Variants in EDIL3 observed in about 807,000 individuals in gnomAD.
The protein encoded by EDIL3 is EGF-like repeat and discoidin I-like domain-containing protein 3.
Under a neutral mutation model 67.4 loss-of-function variants are expected in EDIL3, and 37 were observed. The observed-to-expected ratio is 0.55, with a 90% CI of 0.42 to 0.72. EDIL3 has a LOEUF of 0.72. Among genes scored for constraint, EDIL3 ranks in the 30% least tolerant of loss-of-function variants. The probability of loss-of-function intolerance (pLI) is 0.00; values close to 1 mark genes in which losing one functional copy is unlikely to be tolerated. For synonymous variants in EDIL3, 195 were observed against 196.3 expected (o/e 0.99, Z 0.05); for missense variants, 527 against 586.3 (o/e 0.90, Z 1.04).
At chr5:84,225,474 C>T (rs1172572461) in intron 3 of EDIL3, among the ~76,000 whole-genome samples, 1 of 151,540 alleles carries the variant, frequency 6.6e-6, no homozygotes, top group Non-Finnish European at 1.5e-5. Flanking sequence ...GGAGGGATCA[C>T]TTATCTGTTT....
Position 84,014,517 on chromosome 5 carries a change from C to T in EDIL3, c.1137+45783G>A, listed in dbSNP as rs532188542. Among the ~76,000 whole-genome samples the T allele has an allele frequency of 5.1e-4, 77 of 152,142 alleles. 2 individuals carry two copies. The South Asian group carries it at 7.5e-3, about 15-fold the overall frequency. ...AAAATTAGCCAGGCATGATGACACGCGCCTGTAGATCCAGCTACTTGGGAG... is the reference window on the plus strand; with the variant it reads ...AAAATTAGCCAGGCATGATGACACGTGCCTGTAGATCCAGCTACTTGGGAG... On this transcript the variant is annotated intron_variant, in intron 9 of 10. Coordinates refer to ENST00000296591, the MANE Select transcript of EDIL3 (RefSeq NM_005711.5).
At chr5:84,018,330 TAATGA>T (rs1467686904) in intron 9 of EDIL3, among the ~76,000 whole-genome samples, 3 of 152,186 alleles carry the variant, frequency 2.0e-5, no homozygotes. Flanking sequence ...TTGAGGAAAT[TAATGA>T]AGAACTGACG....
At chr5:84,174,134 C>T (rs1748860327) in intron 4 of EDIL3, among the ~76,000 whole-genome samples, 1 of 152,170 alleles carries the variant, frequency 6.6e-6, no homozygotes, top group Admixed American at 6.5e-5. Flanking sequence ...TGGAGACAAC[C>T]TGATGCTGTC....
At position 84,237,335 on chromosome 5, in the gene EDIL3, C is replaced by T. The variant is rs115907649; in HGVS notation, c.197-7451G>A. Among the ~76,000 whole-genome samples, 471 of 152,126 alleles carry T rather than the reference C, an allele frequency of 3.1e-3. 2 individuals are homozygous for T. Among genetic ancestry groups the T allele is most frequent in the African/African-American group, 0.011 (462 of 41,516 alleles). ...TGACAGTATCCACTTAAGAAAACCA[C>T]AGAATCATTGCACATAAAATGTTAA... On this transcript the variant is annotated intron_variant, in intron 2 of 10. Coordinates refer to ENST00000296591, the MANE Select transcript of EDIL3 (RefSeq NM_005711.5).
intron 4 of EDIL3, among the ~76,000 whole-genome samples, chr5:84,174,298 G>A (rs192143695): frequency 2.1e-4 from 32 of 152,306 alleles, no homozygotes; most frequent in Admixed American, 1.3e-3. Flanking sequence ...GGGAGCAATG[G>A]TGGCCAGGGT....
chr5:84,075,598 C>T (rs1746838812), intron 6 of EDIL3, among the ~76,000 whole-genome samples: 1 of 152,112 alleles, frequency 6.6e-6, no homozygotes, highest in South Asian at 2.1e-4. Flanking sequence ...GCCTTAGCCT[C>T]TCGAATAGCT....
At chr5:84,077,404 T>C (rs1217618649) in intron 6 of EDIL3, among the ~76,000 whole-genome samples, 5 of 152,150 alleles carry the variant, frequency 3.3e-5, no homozygotes, top group Non-Finnish European at 7.3e-5. Context: ...CATACTGCTA[T>C]GAAGAAATAC....
At chr5:83,948,046 C>T (rs139277893) in intron 10 of EDIL3, among the ~76,000 whole-genome samples, 8 of 151,808 alleles carry the variant, frequency 5.3e-5, no homozygotes, top group South Asian at 2.1e-4. Context: ...AGATAGAGTG[C>T]GCCTTTGTTG....
At chr5:84,073,861 T>C (rs1746795045) in intron 6 of EDIL3, among the ~76,000 whole-genome samples, 2 of 152,074 alleles carry the variant, frequency 1.3e-5, no homozygotes, top group African/African-American at 4.8e-5. Flanking sequence ...AAAGTTCATA[T>C]GGAACCAAAA....
At chr5:84,321,183 A>G (rs1450918729) in intron 1 of EDIL3, among the ~76,000 whole-genome samples, 2 of 152,150 alleles carry the variant, frequency 1.3e-5, no homozygotes, top group East Asian at 3.9e-4. Flanking sequence ...TCTTCTGGAA[A>G]TAAATAATTT....
chr5:84,312,440 C>T (rs543196509), intron 1 of EDIL3, among the ~76,000 whole-genome samples: 164 of 145,964 alleles, frequency 1.1e-3, no homozygotes, highest in Middle Eastern at 4.0e-3. Flanking sequence ...GGGCTCCTCA[C>T]TTCCCAGTAG....
At chr5:84,293,356 T>C (rs563839868) in intron 1 of EDIL3, among the ~76,000 whole-genome samples, 39 of 152,338 alleles carry the variant, frequency 2.6e-4, no homozygotes, top group African/African-American at 9.1e-4. Flanking sequence ...TAACGTAAGA[T>C]GGCAGAGAGG....
chr5:84,199,056 A>C (rs1284347189), intron 3 of EDIL3, among the ~76,000 whole-genome samples: 1 of 151,992 alleles, frequency 6.6e-6, no homozygotes, highest in Non-Finnish European at 1.5e-5. Flanking sequence ...TTTCTAGTTT[A>C]TTAGGATCTT....
rs147938010 is a variant in EDIL3, at chr5:84,050,407, T to A, written c.1137+9893A>T. On this transcript the variant is annotated intron_variant, in intron 9 of 10. Transcript: ENST00000296591. ...GTGAGCGACACAGAAGACGAGTGAT[T>A]TCTGCATTTCCAACTGAGGTACCAG... Among the ~76,000 whole-genome samples the A allele has an allele frequency of 6.8e-3, 1,030 of 152,186 alleles. 8 individuals carry two copies. Among genetic ancestry groups the A allele is most frequent in the African/African-American group, 0.024 (977 of 41,518 alleles).
At chr5:84,036,415 C>A (rs1209919887) in intron 9 of EDIL3, among the ~76,000 whole-genome samples, 2 of 152,196 alleles carry the variant, frequency 1.3e-5, no homozygotes, top group Non-Finnish European at 2.9e-5. Context: ...GTGTGACATC[C>A]TTTTCACTTT....
intron 4 of EDIL3, among the ~76,000 whole-genome samples, chr5:84,154,448 T>C (rs1292362805): frequency 6.6e-6 from 1 of 152,142 alleles, no homozygotes; most frequent in Non-Finnish European, 1.5e-5. Flanking sequence ...TCACTAAAAA[T>C]GTGCCACTTT....
chr5:84,143,830 G>A (rs1167087362), intron 4 of EDIL3, among the ~76,000 whole-genome samples: 1 of 151,960 alleles, frequency 6.6e-6, no homozygotes, highest in Non-Finnish European at 1.5e-5. Context: ...ACCACAACAA[G>A]GGATGTTACC....
intron 4 of EDIL3, among the ~76,000 whole-genome samples, chr5:84,173,184 G>A (rs898261847): frequency 6.6e-6 from 1 of 152,168 alleles, no homozygotes; most frequent in Non-Finnish European, 1.5e-5. Flanking sequence ...ACATGAGTAT[G>A]GAGGTGCCTT....
chr5:84,135,980 T>A (rs1748085386), intron 5 of EDIL3, among the ~76,000 whole-genome samples: 2 of 151,948 alleles, frequency 1.3e-5, no homozygotes, highest in Non-Finnish European at 1.5e-5. Context: ...TTTTATTTTA[T>A]AAATACCATG....
Sources: gnomAD v4.1 joint callset for allele counts (sites outside exome capture counted in the v4.1 genomes callset) on GRCh38, gnomAD v4.1.1 for gene constraint, MANE v1.5 for transcripts, NCBI Gene and HGNC (gene_info 2026-07-23, HGNC 2026-07-21) for gene names.